TRHDE: variants seen among roughly 807,000 people sequenced by gnomAD.
The protein encoded by TRHDE is thyrotropin releasing hormone degrading enzyme.
TRHDE carries 72 observed loss-of-function variants against 125.7 expected under a neutral mutation model. The observed-to-expected ratio is 0.57, with a 90% CI of 0.47 to 0.70. The LOEUF is 0.70. Ranked by LOEUF, TRHDE falls within the 30% of genes least tolerant of loss-of-function variation. TRHDE has a pLI of 0.00. For synonymous variants in TRHDE, 509 were observed against 509.1 expected (o/e 1.00, Z 0.00); for missense variants, 1,110 against 1,327.1 (o/e 0.84, Z 2.54).
chr12:72,225,153 A>G (rs1397780226), intron 2 of TRHDE, among the ~76,000 whole-genome samples: 1 of 152,174 alleles, frequency 6.6e-6, no homozygotes, highest in Non-Finnish European at 1.5e-5. Context: ...TAATTGACCA[A>G]CTGTCAGGAA....
intron 18 of TRHDE, among the ~76,000 whole-genome samples, chr12:72,658,562 T>G (rs1040300524): frequency 6.6e-6 from 1 of 152,204 alleles, no homozygotes; most frequent in Non-Finnish European, 1.5e-5. Flanking sequence ...TTTCCTGGAC[T>G]TGGTATTACC....
chr12:72,581,999 G>A (rs981145271), intron 12 of TRHDE, among the ~76,000 whole-genome samples: 2 of 151,540 alleles, frequency 1.3e-5, no homozygotes, highest in African/African-American at 4.9e-5. Flanking sequence ...CTACTCGGGA[G>A]GCTGAGGCAG....
At chr12:72,419,994 A>T (rs574638228) in intron 3 of TRHDE, among the ~76,000 whole-genome samples, 2 of 152,324 alleles carry the variant, frequency 1.3e-5, no homozygotes, top group South Asian at 4.1e-4. Flanking sequence ...GCAAAACTGT[A>T]GTCAACAAAT....
At chr12:72,608,206 A>C (rs1468733325) in intron 12 of TRHDE, among the ~76,000 whole-genome samples, 1 of 152,140 alleles carries the variant, frequency 6.6e-6, no homozygotes, top group Non-Finnish European at 1.5e-5. Flanking sequence ...CCATTATTTG[A>C]GTCCTTCACG....
chr12:72,595,381 G>A (rs1181579216), intron 12 of TRHDE, among the ~76,000 whole-genome samples: 1 of 151,946 alleles, frequency 6.6e-6, no homozygotes, highest in Non-Finnish European at 1.5e-5. Flanking sequence ...AACTTTCATT[G>A]TTAGGGGAAT....
chr12:72,272,087 C>T, upstream of TRHDE: 2 of 457,618 alleles, frequency 4.4e-6, no homozygotes. This position sits in a 1 kb window ranked among gnomAD's most constrained non-coding sequence, Gnocchi z 6.7. Context: ...GGGTGTATGG[C>T]TCGGGTGCCT....
At chr12:72,224,154 GTATGTATGTATGTATCTATC>G (rs1374751912) in intron 2 of TRHDE, among the ~76,000 whole-genome samples, 2,501 of 37,626 alleles carry the variant, frequency 0.066, 58 homozygotes, top group East Asian at 0.17. Context: ...ATCTATGTAT[GTATGTATGTATGTATCTATC>G]TATCTATCTA....
chr12:72,241,258 G>C (rs539082896), intron 2 of TRHDE, among the ~76,000 whole-genome samples: 13 of 152,220 alleles, frequency 8.5e-5, no homozygotes, highest in Middle Eastern at 3.4e-3. Flanking sequence ...ACACAGAACA[G>C]TTCTGTCACC....
intron 4 of TRHDE, among the ~76,000 whole-genome samples, chr12:72,472,568 A>C (rs968987692): frequency 1.3e-5 from 2 of 152,150 alleles, no homozygotes; most frequent in African/African-American, 4.8e-5. Context: ...TGATGCTTAC[A>C]TACCTCCTGT....
At chr12:72,616,277 C>T (rs111593264) in intron 12 of TRHDE, among the ~76,000 whole-genome samples, 5 of 151,794 alleles carry the variant, frequency 3.3e-5, no homozygotes, top group African/African-American at 9.7e-5. Flanking sequence ...ACATATTAAG[C>T]GACTAAAGAA....
At position 72,541,302 on chromosome 12, in the gene TRHDE, G is replaced by A. The variant is rs73348405; in HGVS notation, c.1723-989G>A. Among the ~76,000 whole-genome samples, 824 of 151,564 alleles carry A rather than the reference G, an allele frequency of 5.4e-3. 13 individuals carry two copies. Among genetic ancestry groups the A allele is most frequent in the African/African-American group, 0.019 (770 of 41,444 alleles). ...ATTCAATTTGGTCAAGTGTCTTCTT[G>A]AAGGCTTATTTATATTTTACATGAA... On this transcript the variant is annotated intron_variant, in intron 6 of 18. Transcript: ENST00000261180.
At chr12:72,089,573 CTTAT>C (rs200657525) in intron 1 of TRHDE, among the ~76,000 whole-genome samples, 1 of 152,244 alleles carries the variant, frequency 6.6e-6, no homozygotes, top group East Asian at 1.9e-4. Context: ...CATGTATTTT[CTTAT>C]TTAGTTTCCT....
Position 72,305,248 on chromosome 12 carries a change from A to G in TRHDE, c.1188+18294A>G, listed in dbSNP as rs1366622025. ...TTAGAAAGATGACATTCCTACTGAC[A>G]TGCTCAGTAGGAAATAATAAATGTT... On this transcript the variant is annotated intron_variant, in intron 2 of 18. Coordinates refer to ENST00000261180, the MANE Select transcript of TRHDE (RefSeq NM_013381.3). 3.3e-5 allele frequency among the ~76,000 whole-genome samples: 5 copies of G among 152,222 alleles called. No homozygotes were observed. In the East Asian group the frequency reaches 9.6e-4, roughly 29 times the overall value.
Position 72,092,646 on chromosome 12 carries a change from A to G in TRHDE, n.174+5207A>G, listed in dbSNP as rs562815866. On this transcript the variant is annotated intron_variant and non_coding_transcript_variant, in intron 1 of 4. Coordinates refer to the TRHDE transcript ENST00000548156. The stretch of plus-strand genomic sequence containing the variant: ...GTCCCAAGACTTAGACTGCATGCAA[A>G]CAGTTCTCTGAGGCTAACGGAGTGC... Among the ~76,000 whole-genome samples the G allele has an allele frequency of 5.3e-5, 8 of 152,310 alleles. No homozygotes were observed. In the South Asian group the frequency reaches 1.5e-3, roughly 28 times the overall value.
At chr12:72,293,251 C>A (rs1181920185) in intron 2 of TRHDE, among the ~76,000 whole-genome samples, 1 of 150,670 alleles carries the variant, frequency 6.6e-6, no homozygotes, top group East Asian at 1.9e-4. Context: ...GATATTAGTT[C>A]TTTGTCAGAT....
chr12:72,227,988 C>G (rs1252636253), intron 2 of TRHDE, among the ~76,000 whole-genome samples: 2 of 152,210 alleles, frequency 1.3e-5, no homozygotes, highest in East Asian at 3.9e-4. Context: ...TAGACCCCCT[C>G]CTGGCTGCTT....
exon 2 of TRHDE, chr12:72,105,665 A>G (rs1875170059): frequency 6.6e-6 from 1 of 152,206 alleles, no homozygotes; most frequent in Non-Finnish European, 1.5e-5. Context: ...ACTGAGGCAC[A>G]AGTGTTATGT....
At chr12:72,401,223 A>C (rs1873030226) in intron 3 of TRHDE, among the ~76,000 whole-genome samples, 1 of 152,196 alleles carries the variant, frequency 6.6e-6, no homozygotes, top group Admixed American at 6.5e-5. Flanking sequence ...TTTCTCATTA[A>C]GGAGTTAATA....
At chr12:72,398,000 CAGTCCCCAG>C (rs1392352945) in intron 3 of TRHDE, among the ~76,000 whole-genome samples, 1 of 140,844 alleles carries the variant, frequency 7.1e-6, no homozygotes, top group Non-Finnish European at 1.5e-5. Context: ...AACCCCACAA[CAGTCCCCAG>C]AGTGTGATGT....
Sources: gnomAD v4.1 joint callset for allele counts (sites outside exome capture counted in the v4.1 genomes callset) on GRCh38, gnomAD v4.1.1 for gene constraint, Gnocchi (gnomAD v3.1) non-coding constraint, MANE v1.5 for transcripts, NCBI Gene and HGNC (gene_info 2026-07-23, HGNC 2026-07-21) for gene names.